MARCHF1: variants seen among roughly 807,000 people sequenced by gnomAD.
The protein encoded by MARCHF1 is E3 ubiquitin-protein ligase MARCHF1.
MARCHF1 carries 40 observed loss-of-function variants against 54.2 expected under a neutral mutation model. That is an observed-to-expected ratio of 0.74 (90% CI 0.57 to 0.96). The LOEUF (loss-of-function observed/expected upper bound fraction) is 0.96. Ranked by LOEUF, MARCHF1 falls within the 40% of genes least tolerant of loss-of-function variation. The pLI is 0.00. For synonymous variants in MARCHF1, 236 were observed against 236.3 expected (o/e 1.00, Z 0.01); for missense variants, 586 against 656.5 (o/e 0.89, Z 1.17).
intron 4 of MARCHF1, among the ~76,000 whole-genome samples, chr4:163,715,711 T>C (rs142665580): frequency 2.4e-3 from 364 of 151,040 alleles, no homozygotes; most frequent in Non-Finnish European, 4.1e-3. Context: ...CATCTGAATT[T>C]CTCATAATAG....
intron 1 of MARCHF1, among the ~76,000 whole-genome samples, chr4:164,381,767 G>A (rs1290124945): frequency 6.6e-6 from 1 of 152,144 alleles, no homozygotes; most frequent in Non-Finnish European, 1.5e-5. Context: ...AATACTTGAG[G>A]AAAGTAGTCA....
At chr4:163,808,325 T>C (rs1259174083) in intron 4 of MARCHF1, among the ~76,000 whole-genome samples, 1 of 152,228 alleles carries the variant, frequency 6.6e-6, no homozygotes, top group Non-Finnish European at 1.5e-5. Flanking sequence ...CTGGCAGGCC[T>C]GCCCCAGCTT....
chr4:164,260,675 C>A (rs535458138), intron 1 of MARCHF1, among the ~76,000 whole-genome samples: 1 of 152,192 alleles, frequency 6.6e-6, no homozygotes, highest in Non-Finnish European at 1.5e-5. Context: ...CTATTTTTAG[C>A]TATAGGAACT....
chr4:164,198,556 T>C (rs1731348419), intron 1 of MARCHF1, among the ~76,000 whole-genome samples: 1 of 152,214 alleles, frequency 6.6e-6, no homozygotes, highest in Non-Finnish European at 1.5e-5. Flanking sequence ...ATATTAAAAA[T>C]AATATTTCCC....
chr4:163,679,324 G>A (rs928982362), intron 5 of MARCHF1, among the ~76,000 whole-genome samples: 3 of 152,248 alleles, frequency 2.0e-5, no homozygotes, highest in Middle Eastern at 3.4e-3. Flanking sequence ...TATGTTCTGC[G>A]TCCATTTTTT....
intron 8 of MARCHF1, among the ~76,000 whole-genome samples, chr4:163,547,991 CAG>C (rs1179950035): frequency 5.3e-5 from 8 of 152,034 alleles, no homozygotes; most frequent in African/African-American, 1.7e-4. Flanking sequence ...AAGGAATAAA[CAG>C]ATGTTTCAAT....
chr4:164,074,247 C>T (rs183244120), intron 2 of MARCHF1, among the ~76,000 whole-genome samples: 51 of 152,230 alleles, frequency 3.4e-4, no homozygotes, highest in African/African-American at 1.1e-3. Flanking sequence ...GCTTTACCAC[C>T]ACCTTTAAGA....
chr4:163,948,415 G>A (rs1180271648), intron 3 of MARCHF1, among the ~76,000 whole-genome samples: 1 of 152,208 alleles, frequency 6.6e-6, no homozygotes, highest in Admixed American at 6.5e-5. Context: ...AGTACTTTAA[G>A]ACTTGAAACT....
intron 2 of MARCHF1, among the ~76,000 whole-genome samples, chr4:164,037,374 AGTTAAT>A (rs1307723358): frequency 1.3e-5 from 2 of 152,224 alleles, no homozygotes; most frequent in Non-Finnish European, 2.9e-5. Flanking sequence ...TTACAATTAT[AGTTAAT>A]GTTAAGAAGC....
chr4:163,874,658 AT>A (rs1750251358), intron 3 of MARCHF1, among the ~76,000 whole-genome samples: 1 of 152,216 alleles, frequency 6.6e-6, no homozygotes, highest in South Asian at 2.1e-4. Context: ...TGCTCAGAAA[AT>A]ATTCAGTGAC....
At chr4:163,850,050 C>T (rs992019746) in intron 4 of MARCHF1, among the ~76,000 whole-genome samples, 3 of 152,122 alleles carry the variant, frequency 2.0e-5, no homozygotes, top group Admixed American at 6.6e-5. Context: ...AACTAGAGGT[C>T]GGGAGGAGAA....
chr4:164,367,943 A>G (rs1730923243), intron 1 of MARCHF1, among the ~76,000 whole-genome samples: 1 of 151,920 alleles, frequency 6.6e-6, no homozygotes, highest in East Asian at 1.9e-4. Flanking sequence ...AAATTTGGCA[A>G]TAGTGCTAAA....
chr4:163,743,656 GCAAGCTCCGCT>G lies in MARCHF1; in HGVS notation c.112-42804_112-42794del, dbSNP rs1746275047. Among the ~76,000 whole-genome samples the G allele has an allele frequency of 4.8e-5, 7 of 145,286 alleles. No individual in the cohort carries two copies. The South Asian group carries it at 1.5e-3, about 31-fold the overall frequency. On this transcript the variant is annotated intron_variant, in intron 4 of 9. Coordinates refer to ENST00000514618, the MANE Select transcript of MARCHF1 (RefSeq NM_001394959.1). ...GGCAGTGGCGCGATCTGGGCTCACT[GCAAGCTCCGCT>G]TCCCAGGTTCACGCCATTCTCCTGC...
intron 1 of MARCHF1, among the ~76,000 whole-genome samples, chr4:164,297,798 A>C (rs1284958948): frequency 2.0e-5 from 3 of 152,198 alleles, no homozygotes; most frequent in African/African-American, 7.2e-5. Flanking sequence ...CTATAAATCT[A>C]AATTTAAAAC....
chr4:163,990,515 C>T (rs909198694), intron 2 of MARCHF1, among the ~76,000 whole-genome samples: 3 of 152,138 alleles, frequency 2.0e-5, no homozygotes, highest in Non-Finnish European at 4.4e-5. Flanking sequence ...TCAAACCTGG[C>T]ATTTATTCAT....
At chr4:163,836,008 G>A (rs537270078) in intron 4 of MARCHF1, among the ~76,000 whole-genome samples, 1 of 151,958 alleles carries the variant, frequency 6.6e-6, no homozygotes, top group Non-Finnish European at 1.5e-5. Flanking sequence ...AAATGAACCG[G>A]ACTCAGCTTG....
At chr4:164,231,593 T>C (rs1335051628) in intron 1 of MARCHF1, among the ~76,000 whole-genome samples, 1 of 152,052 alleles carries the variant, frequency 6.6e-6, no homozygotes, top group African/African-American at 2.4e-5. Flanking sequence ...GAAAACAGAA[T>C]GAAGGAGTTA....
intron 1 of MARCHF1, among the ~76,000 whole-genome samples, chr4:164,372,558 TCA>T (rs1314349380): frequency 6.6e-6 from 1 of 152,144 alleles, no homozygotes; most frequent in Admixed American, 6.5e-5. Context: ...ATATTTTACC[TCA>T]GTTTTACAGC....
At chr4:164,351,892 G>A (rs369070559) in intron 1 of MARCHF1, among the ~76,000 whole-genome samples, 235 of 136,884 alleles carry the variant, frequency 1.7e-3, no homozygotes, top group African/African-American at 1.8e-3. Context: ...ATAACTAGAA[G>A]AACCAATACA....
Sources: gnomAD v4.1 joint callset for allele counts (sites outside exome capture counted in the v4.1 genomes callset) on GRCh38, gnomAD v4.1.1 for gene constraint, MANE v1.5 for transcripts, NCBI Gene and HGNC (gene_info 2026-07-23, HGNC 2026-07-21) for gene names.